ARHGAP15: variants seen among roughly 807,000 people sequenced by gnomAD.
ARHGAP15 encodes the protein Rho GTPase activating protein 15, also known as rho GTPase-activating protein 15.
In ARHGAP15, 51 loss-of-function variants were observed where a neutral mutation model predicts 63.7. That is an observed-to-expected ratio of 0.80 (90% CI 0.64 to 1.01). The LOEUF (loss-of-function observed/expected upper bound fraction) is 1.01. ARHGAP15 is among the 50% of genes least tolerant of loss of function. The pLI, the probability that ARHGAP15 is intolerant of heterozygous loss-of-function variation, is 0.00. For missense variants in ARHGAP15, 560 were observed against 564.6 expected, an observed-to-expected ratio of 0.99 and a Z score of 0.08; for synonymous variants, 191 against 193.8, an observed-to-expected ratio of 0.99 and a Z score of 0.12.
intron 13 of ARHGAP15, among the ~76,000 whole-genome samples, chr2:143,764,523 T>G (rs939368814): frequency 6.6e-6 from 1 of 152,140 alleles, no homozygotes; most frequent in Non-Finnish European, 1.5e-5. Flanking sequence ...GCTGCAGAAA[T>G]AGTAAATAGT....
At chr2:143,396,888 A>G (rs946058277) in intron 6 of ARHGAP15, among the ~76,000 whole-genome samples, 44 of 152,220 alleles carry the variant, frequency 2.9e-4, no homozygotes, top group African/African-American at 1.0e-3. Context: ...TGTGAAGATT[A>G]TTTATATGAA....
chr2:143,607,005 G>A (rs998270056), intron 11 of ARHGAP15: 3 of 152,136 alleles, frequency 2.0e-5, no homozygotes, highest in African/African-American at 4.8e-5. Context: ...TATGCAATTC[G>A]TATCTACATA....
At chr2:143,716,122 C>T (rs974659886) in intron 13 of ARHGAP15, among the ~76,000 whole-genome samples, 1 of 152,058 alleles carries the variant, frequency 6.6e-6, no homozygotes, top group South Asian at 2.1e-4. Flanking sequence ...CCATGGCACA[C>T]GTTTAACTAT....
intron 6 of ARHGAP15, among the ~76,000 whole-genome samples, chr2:143,333,800 A>AT (rs1370173312): frequency 2.0e-5 from 3 of 152,212 alleles, no homozygotes; most frequent in African/African-American, 4.8e-5. Flanking sequence ...AAGAAACAGG[A>AT]AAAAGATGGA....
intron 6 of ARHGAP15, among the ~76,000 whole-genome samples, chr2:143,321,998 C>T (rs1558891648): frequency 6.6e-6 from 1 of 152,204 alleles, no homozygotes; most frequent in Non-Finnish European, 1.5e-5. Context: ...GATACAAGCT[C>T]TAATAATAAT....
At chr2:143,552,605 G>T (rs1217322841) in intron 10 of ARHGAP15, among the ~76,000 whole-genome samples, 4 of 151,986 alleles carry the variant, frequency 2.6e-5, no homozygotes, top group Non-Finnish European at 5.9e-5. Context: ...ATCCCCTACA[G>T]CAATACCCAG....
In ARHGAP15 at chr2:143,284,678, G is replaced by T. The variant is rs1266550244; in HGVS notation, c.474+34078G>T. On this transcript the variant is annotated intron_variant, in intron 6 of 13. Transcript: ENST00000295095. ...AATAGGCTAAACTAATTTCATCAGT[G>T]AGATAACCAACATTGAGCTAAACCC... is the stretch of plus-strand genomic sequence containing the variant. Among the ~76,000 whole-genome samples the T allele has an allele frequency of 3.3e-5, 5 of 152,144 alleles. No homozygotes were observed. In the South Asian group the frequency reaches 6.2e-4, roughly 19 times the overall value.
chr2:143,552,774 T>C (rs1329401436), intron 10 of ARHGAP15, among the ~76,000 whole-genome samples: 1 of 152,160 alleles, frequency 6.6e-6, no homozygotes, highest in Admixed American at 6.6e-5. Flanking sequence ...AATGACTTAG[T>C]TTTATCGTGT....
At chr2:143,732,910 G>GT (rs35876339) in intron 13 of ARHGAP15, among the ~76,000 whole-genome samples, 45,009 of 122,002 alleles carry the variant, frequency 0.37, 8,925 homozygotes, top group East Asian at 0.49. Flanking sequence ...TTGTTTTTGG[G>GT]TTTTTTTTTT....
Position 143,140,248 on chromosome 2 carries a change from T to C in ARHGAP15, c.-15+10782T>C, listed in dbSNP as rs369028807. On this transcript the variant is annotated intron_variant, in intron 1 of 13. Coordinates refer to ENST00000295095, the MANE Select transcript of ARHGAP15 (RefSeq NM_018460.4). The stretch of plus-strand genomic sequence containing the variant: ...TGTGGGGGAGTATAGTATAGCTGTG[T>C]GGGCAAAGGGAAGAAGAGATAACTC... Among the ~76,000 whole-genome samples, 28 of 152,280 alleles carry C rather than the reference T, an allele frequency of 1.8e-4. No homozygotes were observed. In the East Asian group the frequency reaches 3.1e-3, roughly 17 times the overall value.
At chr2:143,351,616 G>A (rs1057300672) in intron 6 of ARHGAP15, among the ~76,000 whole-genome samples, 1 of 152,144 alleles carries the variant, frequency 6.6e-6, no homozygotes, top group African/African-American at 2.4e-5. Context: ...GGCGGGATAG[G>A]CGATGTCTAT....
chr2:143,234,996 C>T (rs975870755), intron 5 of ARHGAP15, among the ~76,000 whole-genome samples: 12 of 152,082 alleles, frequency 7.9e-5, no homozygotes, highest in African/African-American at 2.9e-4. Context: ...GATCCAAAAA[C>T]ATAGCTTCTC....
chr2:143,494,576 T>C (rs1435596570), intron 9 of ARHGAP15, among the ~76,000 whole-genome samples: 3 of 152,218 alleles, frequency 2.0e-5, no homozygotes, highest in Admixed American at 6.5e-5. Context: ...ATTGTTCTCT[T>C]CTGGTCTTTA....
At chr2:143,449,182 A>G (rs1208971577) in intron 8 of ARHGAP15, among the ~76,000 whole-genome samples, 1 of 152,012 alleles carries the variant, frequency 6.6e-6, no homozygotes, top group African/African-American at 2.4e-5. Flanking sequence ...CCACATCAAA[A>G]AGTCAACAGT....
intron 2 of ARHGAP15, among the ~76,000 whole-genome samples, chr2:143,165,954 GAAAGAGAGAA>G: frequency 9.2e-6 from 1 of 108,988 alleles, no homozygotes; most frequent in Non-Finnish European, 1.9e-5. Flanking sequence ...AAGAAAGAAA[GAAAGAGAGAA>G]AGAAAGAAAG....
At chr2:143,242,766 A>G (rs1173882619) in intron 5 of ARHGAP15, among the ~76,000 whole-genome samples, 2 of 152,208 alleles carry the variant, frequency 1.3e-5, no homozygotes, top group East Asian at 1.9e-4. Flanking sequence ...TACTTTAGAC[A>G]TTAATAAGAT....
chr2:143,301,974 A>G (rs1682923710), intron 6 of ARHGAP15, among the ~76,000 whole-genome samples: 2 of 151,940 alleles, frequency 1.3e-5, no homozygotes, highest in Admixed American at 6.6e-5. Context: ...ATCAAGCAAC[A>G]ACCAAGGTAA....
At chr2:143,371,267 G>C (rs1011399923) in intron 6 of ARHGAP15, among the ~76,000 whole-genome samples, 3 of 152,134 alleles carry the variant, frequency 2.0e-5, no homozygotes, top group African/African-American at 7.2e-5. Context: ...CTGTCATCTA[G>C]GTTTTAAGCC....
At chr2:143,563,179 G>A (rs968348980) in intron 11 of ARHGAP15, among the ~76,000 whole-genome samples, 1 of 152,102 alleles carries the variant, frequency 6.6e-6, no homozygotes, top group Non-Finnish European at 1.5e-5. Flanking sequence ...TCCAAAATGG[G>A]AAAAATAATG....
Sources: gnomAD v4.1 joint callset for allele counts (sites outside exome capture counted in the v4.1 genomes callset) on GRCh38, gnomAD v4.1.1 for gene constraint, MANE v1.5 for transcripts, NCBI Gene and HGNC (gene_info 2026-07-23, HGNC 2026-07-21) for gene names.